Variants in RNF180 observed in about 807,000 individuals in gnomAD.
The protein encoded by RNF180 is ring finger protein 180, also known as E3 ubiquitin-protein ligase RNF180.
A neutral mutation model predicts 59.2 loss-of-function variants in RNF180; 38 were observed. The observed-to-expected ratio is 0.64, with a 90% CI of 0.50 to 0.84. RNF180 has a LOEUF of 0.84. RNF180 is among the 40% of genes least tolerant of loss of function. The probability of loss-of-function intolerance (pLI) is 0.00; values close to 1 mark genes in which losing one functional copy is unlikely to be tolerated. For synonymous variants in RNF180, 262 were observed against 240.3 expected, an observed-to-expected ratio of 1.09 and a Z score of -0.84; for missense variants, 705 against 700.9, an observed-to-expected ratio of 1.01 and a Z score of -0.07.
chr5:64,365,498 G>A (rs1746411461), intron 7 of RNF180, among the ~76,000 whole-genome samples: 1 of 151,520 alleles, frequency 6.6e-6, no homozygotes, highest in Non-Finnish European at 1.5e-5. Flanking sequence ...TGAGAGTTCT[G>A]TCCATTTGGT....
chr5:64,217,005 G>A (rs995018913), intron 4 of RNF180, among the ~76,000 whole-genome samples: 22 of 151,982 alleles, frequency 1.4e-4, no homozygotes, highest in African/African-American at 4.4e-4. Flanking sequence ...TGCTCATCCC[G>A]TCCCTAATCC....
rs1368345981 is a variant in RNF180 at position 64,214,047 on chromosome 5, T to G, written c.721T>G (p.Leu241Val). The G allele has an allele frequency of 2.5e-6, 4 of 1,613,994 alleles. No individual in the cohort carries two copies. Among genetic ancestry groups the G allele is most frequent in the Admixed American group, 3.3e-5 (2 of 59,980 alleles). Residue 241 changes from leucine (L) to valine (V), a missense_variant, in exon 4 of 8, where the codon TTA becomes GTA. Transcript: ENST00000389100. ...LDLNISEKLT[L>V]LPTLYEIHSK... ...TCTGAACATCAGTGAGAAACTGACTTTATTACCCACTTTATATGAAATACA... is the reference window on the plus strand; with the variant it reads ...TCTGAACATCAGTGAGAAACTGACTGTATTACCCACTTTATATGAAATACA...
At chr5:64,229,488 A>C (rs1173655618) in intron 5 of RNF180, among the ~76,000 whole-genome samples, 3 of 152,174 alleles carry the variant, frequency 2.0e-5, no homozygotes, top group Admixed American at 2.0e-4. Flanking sequence ...AACGTAAGAG[A>C]TTTTGTGCTT....
intron 5 of RNF180, among the ~76,000 whole-genome samples, chr5:64,311,161 G>C (rs942144864): frequency 6.6e-6 from 1 of 151,814 alleles, no homozygotes; most frequent in African/African-American, 2.4e-5. Context: ...ACCAGGCTGG[G>C]CAATAAAGTG....
intron 5 of RNF180, among the ~76,000 whole-genome samples, chr5:64,251,148 A>G (rs1393691055): frequency 6.6e-6 from 1 of 152,230 alleles, no homozygotes; most frequent in African/African-American, 2.4e-5. Flanking sequence ...AAAATTCAAC[A>G]TTTTATGATA....
intron 1 of RNF180, among the ~76,000 whole-genome samples, chr5:64,171,586 G>A (rs905077235): frequency 2.0e-5 from 3 of 152,162 alleles, no homozygotes; most frequent in Admixed American, 6.5e-5. Context: ...TTATGAGTTT[G>A]CCAGCTTAAA....
In RNF180 at chr5:64,206,754, G is replaced by A. The variant is rs548463708; in HGVS notation, c.136-5311G>A. The stretch of plus-strand genomic sequence containing the variant: ...TAAAGATGGGGCCTTAATCCAATAG[G>A]ACTGTGGCTCTATAAAAGGAAGAAA... On this transcript the variant is annotated intron_variant, in intron 2 of 7. Transcript: ENST00000389100. Among the ~76,000 whole-genome samples, 4 of 152,192 alleles carry A rather than the reference G, an allele frequency of 2.6e-5. No individual in the cohort carries two copies. In the South Asian group the frequency reaches 8.3e-4, roughly 32 times the overall value.
intron 5 of RNF180, among the ~76,000 whole-genome samples, chr5:64,248,157 A>C (rs1743308698): frequency 6.6e-6 from 1 of 152,234 alleles, no homozygotes. Flanking sequence ...TAAAAGCTCT[A>C]GAAGAAAACA....
chr5:64,347,766 A>ATCTT (rs1334629562), intron 7 of RNF180, among the ~76,000 whole-genome samples: 1 of 152,138 alleles, frequency 6.6e-6, no homozygotes, highest in Non-Finnish European at 1.5e-5. Flanking sequence ...AGAAGTTGAA[A>ATCTT]TCTTTGCCTT....
At chr5:64,218,143 A>G (rs1174381744) in intron 5 of RNF180, among the ~76,000 whole-genome samples, 1 of 152,096 alleles carries the variant, frequency 6.6e-6, no homozygotes, top group African/African-American at 2.4e-5. Context: ...CTATTTCTCA[A>G]AAAACGTTTT....
intron 7 of RNF180, among the ~76,000 whole-genome samples, chr5:64,339,202 A>G (rs528235225): frequency 1.3e-5 from 2 of 152,084 alleles, no homozygotes; most frequent in South Asian, 2.1e-4. Flanking sequence ...AGAATTGTCT[A>G]TTGTATCTTT....
intron 5 of RNF180, among the ~76,000 whole-genome samples, chr5:64,302,003 C>G (rs1045507229): frequency 2.0e-5 from 3 of 151,528 alleles, no homozygotes; most frequent in Non-Finnish European, 3.0e-5. Context: ...AAAAATATTT[C>G]TCTTTTTTAC....
intron 5 of RNF180, among the ~76,000 whole-genome samples, chr5:64,234,363 C>T (rs1742277049): frequency 6.6e-6 from 1 of 151,538 alleles, no homozygotes; most frequent in Admixed American, 6.6e-5. Flanking sequence ...CTACTCAGGA[C>T]GTTGAGGCAG....
chr5:64,305,702 G>A (rs941283296), intron 5 of RNF180, among the ~76,000 whole-genome samples: 7 of 151,352 alleles, frequency 4.6e-5, no homozygotes, highest in African/African-American at 1.7e-4. Context: ...ATTACTACAT[G>A]TTAATGTAGT....
At chr5:64,253,229 A>G (rs1019137266) in intron 5 of RNF180, among the ~76,000 whole-genome samples, 16 of 152,170 alleles carry the variant, frequency 1.1e-4, no homozygotes, top group African/African-American at 3.9e-4. Flanking sequence ...TTATGAAGCT[A>G]TGAACCTTCA....
intron 1 of RNF180, among the ~76,000 whole-genome samples, chr5:64,179,881 T>C (rs1243152290): frequency 6.6e-6 from 1 of 152,228 alleles, no homozygotes; most frequent in Non-Finnish European, 1.5e-5. Context: ...TTCTTGTTGC[T>C]CCAGATCATT....
chr5:64,204,417 C>CA (rs1467676307), intron 2 of RNF180, among the ~76,000 whole-genome samples: 1 of 152,168 alleles, frequency 6.6e-6, no homozygotes, highest in African/African-American at 2.4e-5. Flanking sequence ...GTCTCACCAA[C>CA]AATAGTTCAG....
rs1021061672 is a variant in RNF180 at position 64,371,572 on chromosome 5, A to T, written c.*1758A>T. The T allele has an allele frequency of 1.3e-5, 2 of 151,598 alleles. No individual in the cohort carries two copies. Among genetic ancestry groups the T allele is most frequent in the African/African-American group, 4.8e-5 (2 of 41,392 alleles). 9.4% of individuals were successfully genotyped at this position (151,598 alleles called of 1,614,324 possible). On this transcript the variant is annotated 3_prime_UTR_variant, in exon 8 of 8. Coordinates refer to ENST00000389100, the MANE Select transcript of RNF180 (RefSeq NM_001113561.2). ...TATATATTTGTTAGGTCAGTGATAC[A>T]TATCAGTTTATAGATCTCAGTCTAC...
chr5:64,209,361 TA>T (rs1381650991), intron 2 of RNF180, among the ~76,000 whole-genome samples: 2 of 151,996 alleles, frequency 1.3e-5, no homozygotes, highest in Non-Finnish European at 2.9e-5. Flanking sequence ...GCTATGTGAT[TA>T]AAAAATGATC....
Sources: allele counts gnomAD v4.1 joint callset (sites outside exome capture counted in the v4.1 genomes callset), GRCh38; gene constraint gnomAD v4.1.1; transcripts MANE v1.5; gene names NCBI Gene and HGNC (gene_info 2026-07-23, HGNC 2026-07-21).